GLG1: variants seen among roughly 807,000 people sequenced by gnomAD.
GLG1 encodes Golgi apparatus protein 1.
Under a neutral mutation model 160.5 loss-of-function variants are expected in GLG1, and 38 were observed. That is an observed-to-expected ratio of 0.24 (90% CI 0.18 to 0.31). The LOEUF (loss-of-function observed/expected upper bound fraction) is 0.31. Ranked by LOEUF, GLG1 falls within the 10% of genes least tolerant of loss-of-function variation. The pLI, the probability that GLG1 is intolerant of heterozygous loss-of-function variation, is 1.00. For missense variants in GLG1, 1,373 were observed against 1,505.2 expected (o/e 0.91, Z 1.45); for synonymous variants, 644 against 543.4 (o/e 1.19, Z -2.57).
intron 2 of GLG1, among the ~76,000 whole-genome samples, chr16:74,530,197 A>C (rs2017487332): frequency 6.6e-6 from 1 of 152,080 alleles, no homozygotes; most frequent in Non-Finnish European, 1.5e-5. Flanking sequence ...GTTTTCCCCT[A>C]ATCCTTTGCT....
At chr16:74,598,163 T>C (rs904920286) in intron 1 of GLG1, among the ~76,000 whole-genome samples, 3 of 152,180 alleles carry the variant, frequency 2.0e-5, no homozygotes, top group Non-Finnish European at 4.4e-5. Flanking sequence ...CCATTATAAG[T>C]AGCAGTAGTA....
In GLG1 at chr16:74,546,413, G is replaced by A. The variant is rs372306559; in HGVS notation, c.439-14260C>T. Among the ~76,000 whole-genome samples the A allele has an allele frequency of 1.1e-4, 17 of 152,268 alleles. No individual in the cohort carries two copies. In the East Asian group the frequency reaches 2.3e-3, roughly 21 times the overall value. On this transcript the variant is annotated intron_variant, in intron 1 of 25. Coordinates refer to ENST00000422840, the MANE Select transcript of GLG1 (RefSeq NM_001145667.2). Reference sequence around the variant, plus strand: ...TAAGCAGAGATCGCACCACAGCACTGCAGCCTGGGTCACAAAGTAAGACTC... The same window carrying A: ...TAAGCAGAGATCGCACCACAGCACTACAGCCTGGGTCACAAAGTAAGACTC...
chr16:74,526,829 C>T (rs2017349664), intron 2 of GLG1, among the ~76,000 whole-genome samples: 1 of 152,224 alleles, frequency 6.6e-6, no homozygotes, highest in Non-Finnish European at 1.5e-5. Context: ...TGATCACTTC[C>T]TGCTATCACT....
At chr16:74,599,597 G>A (rs1958390284) in intron 1 of GLG1, among the ~76,000 whole-genome samples, 1 of 152,150 alleles carries the variant, frequency 6.6e-6, no homozygotes, top group African/African-American at 2.4e-5. Context: ...GGACACAGTG[G>A]CTCACGCCTG....
intron 1 of GLG1, among the ~76,000 whole-genome samples, chr16:74,603,090 A>AAACAAC (rs74553816): frequency 0.14 from 20,298 of 149,850 alleles, 1,862 homozygotes; most frequent in Middle Eastern, 0.21. Context: ...ACTTCGTCTC[A>AAACAAC]AACAACAACA....
chr16:74,555,914 G>A lies in GLG1; in HGVS notation c.439-23761C>T, dbSNP rs944879431. On this transcript the variant is annotated intron_variant, in intron 1 of 25. Coordinates refer to ENST00000422840, the MANE Select transcript of GLG1 (RefSeq NM_001145667.2). The stretch of plus-strand genomic sequence containing the variant: ...AAGTGTAGTGGCACGATCATGGCTC[G>A]CTGCAGCCTCACTCTTCTGGGCTCA... Among the ~76,000 whole-genome samples the A allele has an allele frequency of 2.0e-5, 3 of 150,196 alleles. 1 individual carries two copies. Among genetic ancestry groups the A allele is most frequent in the Non-Finnish European group, 4.4e-5 (3 of 67,802 alleles).
At chr16:74,599,857 C>A (rs1274021600) in intron 1 of GLG1, among the ~76,000 whole-genome samples, 2 of 149,866 alleles carry the variant, frequency 1.3e-5, no homozygotes, top group Non-Finnish European at 3.0e-5. Context: ...GAGCTAGACT[C>A]TGTCTCAAAA....
At chr16:74,522,353 C>G (rs989181867) in intron 2 of GLG1, among the ~76,000 whole-genome samples, 3 of 152,232 alleles carry the variant, frequency 2.0e-5, no homozygotes, top group African/African-American at 7.2e-5. Context: ...TTTGAAAGCA[C>G]TAGCTGTGCT....
intron 25 of GLG1, among the ~76,000 whole-genome samples, chr16:74,453,803 C>T (rs573001119): frequency 2.0e-5 from 3 of 151,996 alleles, no homozygotes; most frequent in South Asian, 4.1e-4. Context: ...TCTTTAAATG[C>T]GTTTGCTGCC....
intron 14 of GLG1, among the ~76,000 whole-genome samples, 175 bp from the exon 15 acceptor site, chr16:74,471,461 G>A (rs1259028636): frequency 6.6e-6 from 1 of 152,118 alleles, no homozygotes; most frequent in Admixed American, 6.6e-5. Context: ...TACATTCAGT[G>A]GCATAAAACT....
intron 19 of GLG1, among the ~76,000 whole-genome samples, chr16:74,465,040 T>C (rs1461116007): frequency 2.0e-5 from 3 of 152,086 alleles, no homozygotes; most frequent in Non-Finnish European, 4.4e-5. Flanking sequence ...GGTTTCACCA[T>C]GTTGGCCAGG....
chr16:74,456,591 G>A, intron 25 of GLG1, 58 bp downstream of exon 25: 1 of 1,005,524 alleles, frequency 9.9e-7, no homozygotes. Flanking sequence ...CATGCAAATT[G>A]GTGAAGTGTT....
chr16:74,585,925 T>C (rs1265984696), intron 1 of GLG1, among the ~76,000 whole-genome samples: 1 of 151,452 alleles, frequency 6.6e-6, no homozygotes, highest in Non-Finnish European at 1.5e-5. Flanking sequence ...TAGCCAGGTG[T>C]AGTGGCGGGT....
chr16:74,547,257 TA>T (rs2018074623), intron 1 of GLG1, among the ~76,000 whole-genome samples: 1 of 151,150 alleles, frequency 6.6e-6, no homozygotes, highest in African/African-American at 2.4e-5. Context: ...ATAACTTATT[TA>T]ATACAATTAT....
At chr16:74,526,084 CGA>C (rs1211456286) in intron 2 of GLG1, among the ~76,000 whole-genome samples, 1 of 152,020 alleles carries the variant, frequency 6.6e-6, no homozygotes, top group East Asian at 1.9e-4. Flanking sequence ...AACAATTTTC[CGA>C]GAGAGAAGTA....
chr16:74,520,137 T>A (rs529671018), intron 2 of GLG1, among the ~76,000 whole-genome samples: 12 of 152,348 alleles, frequency 7.9e-5, no homozygotes, highest in Admixed American at 5.9e-4. Context: ...CTGTGTCCAG[T>A]GAGACATTCA....
intron 1 of GLG1, among the ~76,000 whole-genome samples, chr16:74,564,195 C>A (rs751878591): frequency 1.3e-5 from 2 of 152,208 alleles, no homozygotes; most frequent in African/African-American, 4.8e-5. Context: ...CTGGGATTAA[C>A]AGGTGTGAGC....
At chr16:74,574,449 G>T (rs2018928850) in intron 1 of GLG1, among the ~76,000 whole-genome samples, 1 of 152,118 alleles carries the variant, frequency 6.6e-6, no homozygotes, top group Non-Finnish European at 1.5e-5. Context: ...TTCCTAAACT[G>T]CTCTGTTGAC....
At chr16:74,482,636 C>G (rs978426043) in intron 10 of GLG1, among the ~76,000 whole-genome samples, 2 of 152,100 alleles carry the variant, frequency 1.3e-5, no homozygotes, top group Admixed American at 1.3e-4. Context: ...TAAATAAAAG[C>G]CAATTACCAT....
Sources: allele counts gnomAD v4.1 joint callset (sites outside exome capture counted in the v4.1 genomes callset), GRCh38; gene constraint gnomAD v4.1.1; transcripts MANE v1.5; gene names NCBI Gene and HGNC (gene_info 2026-07-23, HGNC 2026-07-21).